The following PKNOX2 variants were observed in gnomAD, a reference collection of about 807,000 sequenced individuals.
The protein encoded by PKNOX2 is homeobox protein PKNOX2.
In PKNOX2, 14 loss-of-function variants were observed where a neutral mutation model predicts 53.1. The observed-to-expected ratio is 0.26, with a 90% confidence interval of 0.17 to 0.41. PKNOX2 has a LOEUF of 0.41. PKNOX2 is among the 10% of genes least tolerant of loss of function. The probability of loss-of-function intolerance (pLI) is 1.00; values close to 1 mark genes in which losing one functional copy is unlikely to be tolerated. For missense variants in PKNOX2, 496 were observed against 602.8 expected (o/e 0.82, Z 1.85); for synonymous variants, 257 against 242.8 (o/e 1.06, Z -0.54).
At chr11:125,340,182 T>A (rs1050212482) in intron 3 of PKNOX2, among the ~76,000 whole-genome samples, 1 of 151,988 alleles carries the variant, frequency 6.6e-6, no homozygotes, top group Non-Finnish European at 1.5e-5. Context: ...AGGCACAGAG[T>A]GTGTGTCCAT....
intron 6 of PKNOX2, among the ~76,000 whole-genome samples, chr11:125,389,907 C>T (rs1224034109): frequency 6.6e-6 from 1 of 152,040 alleles, no homozygotes; most frequent in Non-Finnish European, 1.5e-5. Context: ...AAAATAGGGA[C>T]CCCCAGGCCC....
chr11:125,376,214 C>G (rs1290435883), intron 5 of PKNOX2, among the ~76,000 whole-genome samples: 1 of 152,160 alleles, frequency 6.6e-6, no homozygotes, highest in East Asian at 1.9e-4. Context: ...GGGCTGGAGC[C>G]CAGGAGCTCT....
chr11:125,373,860 C>T (rs140169052), intron 5 of PKNOX2, among the ~76,000 whole-genome samples: 12 of 152,266 alleles, frequency 7.9e-5, no homozygotes, highest in Admixed American at 1.3e-4. Flanking sequence ...TGGATTTGAC[C>T]GCAGAGCTTC....
intron 2 of PKNOX2, among the ~76,000 whole-genome samples, chr11:125,315,388 C>A (rs973386627): frequency 6.6e-6 from 1 of 150,676 alleles, no homozygotes; most frequent in African/African-American, 2.4e-5. Flanking sequence ...AACTGGTGGG[C>A]GGCTCTGCCT....
intron 4 of PKNOX2, among the ~76,000 whole-genome samples, chr11:125,353,696 TG>T (rs1951437749): frequency 6.6e-6 from 1 of 152,248 alleles, no homozygotes; most frequent in Admixed American, 6.5e-5. Flanking sequence ...TAATTTGCCC[TG>T]GGGAAGCTGC....
chr11:125,165,755 G>T lies in PKNOX2; in HGVS notation c.-201+979G>T, dbSNP rs1954820600. 6.6e-6 allele frequency among the ~76,000 whole-genome samples: 1 copy of T among 152,198 alleles called. No individual in the cohort carries two copies. Among genetic ancestry groups the T allele is most frequent in the Non-Finnish European group, 1.5e-5 (1 of 68,034 alleles). ...GGGGCCCGCGCGAGGCTTGGGAATC[G>T]GGAGCCCTTCTGGCTCGAGAACTAG... On this transcript the variant is annotated intron_variant, in intron 1 of 12. Transcript: ENST00000298282. This position sits in a 1 kb window ranked among gnomAD's most constrained non-coding sequence, Gnocchi z 4.5.
chr11:125,290,198 G>A (rs1947219779), intron 2 of PKNOX2, among the ~76,000 whole-genome samples: 1 of 152,164 alleles, frequency 6.6e-6, no homozygotes, highest in Non-Finnish European at 1.5e-5. Context: ...CCAGCCCCTG[G>A]ATCCTTGGAG....
chr11:125,310,492 C>G (rs919950769), intron 2 of PKNOX2, among the ~76,000 whole-genome samples: 1 of 150,164 alleles, frequency 6.7e-6, no homozygotes, highest in Admixed American at 6.6e-5. Flanking sequence ...GAGACTCTGT[C>G]TCAAAAAAAA....
chr11:125,315,301 A>T (rs11220021), intron 2 of PKNOX2, among the ~76,000 whole-genome samples: 1 of 125,822 alleles, frequency 7.9e-6, no homozygotes, highest in African/African-American at 3.6e-5. Context: ...TTTGTGAAGC[A>T]GGAAAAAAAA....
intron 7 of PKNOX2, among the ~76,000 whole-genome samples, chr11:125,404,821 A>G (rs941819100): frequency 6.6e-6 from 1 of 152,210 alleles, no homozygotes; most frequent in African/African-American, 2.4e-5. Flanking sequence ...CCTGCATTAG[A>G]GAGAACCATT....
intron 6 of PKNOX2, among the ~76,000 whole-genome samples, chr11:125,394,809 A>G (rs1954284205): frequency 6.6e-6 from 1 of 152,256 alleles, no homozygotes; most frequent in Admixed American, 6.5e-5. Flanking sequence ...TAGCGGTTAC[A>G]TTTAATTTTG....
chr11:125,309,477 T>G (rs1948675139), intron 2 of PKNOX2, among the ~76,000 whole-genome samples: 1 of 149,380 alleles, frequency 6.7e-6, no homozygotes, highest in African/African-American at 2.5e-5. Context: ...AAACTCCACC[T>G]CCCAGGTTCA....
chr11:125,403,679 T>C (rs1202906526), intron 7 of PKNOX2, among the ~76,000 whole-genome samples: 2 of 152,174 alleles, frequency 1.3e-5, no homozygotes, highest in African/African-American at 4.8e-5. Context: ...TATGTTTTTG[T>C]GACACATGGG....
chr11:125,181,999 G>A (rs1237285745), intron 1 of PKNOX2, among the ~76,000 whole-genome samples: 3 of 152,222 alleles, frequency 2.0e-5, no homozygotes, highest in Non-Finnish European at 4.4e-5. Context: ...TGTTGATTGT[G>A]TGACCTGGCT....
intron 1 of PKNOX2, among the ~76,000 whole-genome samples, chr11:125,206,215 T>G (rs535050223): frequency 6.6e-6 from 1 of 152,006 alleles, no homozygotes; most frequent in Admixed American, 6.5e-5. Context: ...AGAAGGAAAC[T>G]TCAAGGGCAA....
chr11:125,197,405 G>A (rs544928082), intron 1 of PKNOX2, among the ~76,000 whole-genome samples: 36 of 152,168 alleles, frequency 2.4e-4, no homozygotes, highest in African/African-American at 7.2e-4. Context: ...GGTCTTTGAA[G>A]CCAAGGATCA....
rs528530079 is a variant in PKNOX2 at position 125,261,408 on chromosome 11, C to G, written c.-130+26293C>G. Among the ~76,000 whole-genome samples, 16 of 152,312 alleles carry G rather than the reference C, an allele frequency of 1.1e-4. No individual in the cohort carries two copies. In the South Asian group the frequency reaches 3.3e-3, roughly 32 times the overall value. Reference sequence around the variant, plus strand: ...TGCACTTTGCCTTAAGAAATGAGCTCAAGTTGAGGCAATGTGCAATTCAGG... The same window carrying G: ...TGCACTTTGCCTTAAGAAATGAGCTGAAGTTGAGGCAATGTGCAATTCAGG... On this transcript the variant is annotated intron_variant, in intron 2 of 12. Coordinates refer to ENST00000298282, the MANE Select transcript of PKNOX2 (RefSeq NM_001382323.2).
chr11:125,424,180 G>T (rs1284665724), intron 10 of PKNOX2, among the ~76,000 whole-genome samples: 1 of 152,052 alleles, frequency 6.6e-6, no homozygotes. Flanking sequence ...CCTGGGGGTG[G>T]TTACATGGGT....
intron 1 of PKNOX2, among the ~76,000 whole-genome samples, chr11:125,179,414 G>T (rs1308203832): frequency 1.3e-5 from 2 of 152,178 alleles, no homozygotes; most frequent in Non-Finnish European, 2.9e-5. Context: ...GGCCTCCCTG[G>T]GGAGTGATGT....
Sources: gnomAD v4.1 joint callset for allele counts (sites outside exome capture counted in the v4.1 genomes callset) on GRCh38, gnomAD v4.1.1 for gene constraint, Gnocchi (gnomAD v3.1) non-coding constraint, MANE v1.5 for transcripts, NCBI Gene and HGNC (gene_info 2026-07-23, HGNC 2026-07-21) for gene names.